DENND4C: variants seen among roughly 807,000 people sequenced by gnomAD.
DENND4C encodes the protein DENN domain-containing protein 4C.
Under a neutral mutation model 203.0 loss-of-function variants are expected in DENND4C, and 108 were observed. The ratio of observed to expected loss-of-function variants is 0.53; its 90% CI spans 0.46 to 0.62. The LOEUF (loss-of-function observed/expected upper bound fraction) is 0.62. Among genes scored for constraint, DENND4C ranks in the 20% least tolerant of loss-of-function variants. The pLI, the probability that DENND4C is intolerant of heterozygous loss-of-function variation, is 0.00. For missense variants in DENND4C, 2,481 were observed against 2,301.2 expected (o/e 1.08, Z -1.60); for synonymous variants, 871 against 792.4 (o/e 1.10, Z -1.67).
At chr9:19,332,236 T>C in intron 17 of DENND4C, 52 bp downstream of exon 17, 1 of 1,552,378 alleles carries the variant, frequency 6.4e-7, no homozygotes, top group Non-Finnish European at 8.9e-7. Context: ...TTTTTGTACT[T>C]CTAATAAAAT....
In DENND4C at chr9:19,296,084, G is replaced by T. The variant is rs915323297; in HGVS notation, c.878G>T (p.Gly293Val). 1 of 1,613,936 alleles carries T rather than the reference G, an allele frequency of 6.2e-7. No homozygotes were observed. The highest frequency in any genetic ancestry group is 8.5e-7 in the Non-Finnish European group (1 of 1,180,022). The change falls in exon 6 of 33, where the codon GGC (glycine) becomes GTC (valine). Residue 293 changes from glycine to valine, a missense_variant. Gly to Val is a moderately radical substitution (Grantham distance 109). This residue lies in a region of DENND4C where 2,289 missense variants were observed against 2,113.3 expected (regional missense o/e 1.08). Transcript: ENST00000434457. Reference sequence around the variant, plus strand: ...TCAGAGAAACAGCTTATGCACCTGGGCTTGTTGACGCCTGTGGAGAGAAAA... The same window carrying T: ...TCAGAGAAACAGCTTATGCACCTGGTCTTGTTGACGCCTGTGGAGAGAAAA... ...LLSEKQLMHLGLLTPVERKMV... is the reference protein window; with the variant it reads ...LLSEKQLMHLVLLTPVERKMV...
At chr9:19,281,741 T>C (rs1834083428) in intron 2 of DENND4C, among the ~76,000 whole-genome samples, 1 of 152,220 alleles carries the variant, frequency 6.6e-6, no homozygotes, top group Admixed American at 6.5e-5. Context: ...GTGAACATCA[T>C]AGAGTGTACA....
At chr9:19,331,763 A>G (rs907218577) in intron 16 of DENND4C, among the ~76,000 whole-genome samples, 12 of 152,186 alleles carry the variant, frequency 7.9e-5, no homozygotes, top group African/African-American at 2.9e-4. Flanking sequence ...TTGCTAACAA[A>G]TAGATTTGGT....
At position 19,373,229 on chromosome 9, in the gene DENND4C, TTTATC is replaced by T. The variant is rs1178365508; in HGVS notation, c.*1059_*1063del. 1 of 152,214 alleles carries T rather than the reference TTTATC, an allele frequency of 6.6e-6. No homozygotes were observed. Among genetic ancestry groups the T allele is most frequent in the African/African-American group, 2.4e-5 (1 of 41,454 alleles). 9.4% of individuals were successfully genotyped at this position (152,214 alleles called of 1,614,324 possible). On this transcript the variant is annotated 3_prime_UTR_variant, in exon 33 of 33. Coordinates refer to ENST00000434457, the MANE Select transcript of DENND4C (RefSeq NM_001330640.2). ...TTATGTATTATCTTGCTTAATGGGT[TTTATC>T]TTGATTATCCAGTTACTTCCATCCT...
chr9:19,355,195 C>T (rs1825129227), intron 26 of DENND4C, among the ~76,000 whole-genome samples: 1 of 152,186 alleles, frequency 6.6e-6, no homozygotes, highest in Non-Finnish European at 1.5e-5. Flanking sequence ...CAGGCGTCAG[C>T]CACCATGCCT....
intron 15 of DENND4C, 93 bp from the exon 16 acceptor site, chr9:19,327,937 A>G (rs1818168326): frequency 1.7e-6 from 2 of 1,202,542 alleles, no homozygotes; most frequent in Admixed American, 2.6e-5. Flanking sequence ...GTTGGATACT[A>G]TTTGAAGTTT....
rs1588955548 is a variant in DENND4C at position 19,342,490 on chromosome 9, C to T, written c.3005-143C>T. Reference sequence around the variant, plus strand: ...TTTATGGCATAAAGTAAACCAGACACAGTCTATTTTACTTTGTGTCTAAAG... The same window carrying T: ...TTTATGGCATAAAGTAAACCAGACATAGTCTATTTTACTTTGTGTCTAAAG... On this transcript the variant is annotated intron_variant, in intron 21 of 32. Transcript: ENST00000434457. The T allele has an allele frequency of 1.4e-5, 10 of 734,688 alleles. No homozygotes were observed. The East Asian group carries it at 3.1e-4, about 23-fold the overall frequency. The allele number at this position is 734,688 out of a possible 1,614,324, so 45.5% of individuals were successfully genotyped here.
chr9:19,291,830 C>A (rs975258241), intron 5 of DENND4C, among the ~76,000 whole-genome samples: 2 of 151,446 alleles, frequency 1.3e-5, no homozygotes, highest in Non-Finnish European at 2.9e-5. Context: ...TAAAATGTAG[C>A]AGATAGAACT....
chr9:19,331,968 C>G lies in DENND4C; in HGVS notation c.2254-10C>G, dbSNP rs201738187. On this transcript the variant is annotated splice_polypyrimidine_tract_variant and intron_variant, in intron 16 of 32. Coordinates refer to ENST00000434457, the MANE Select transcript of DENND4C (RefSeq NM_001330640.2). ...TTAGTAAATATCATAATATTTTATTCTCTTTCTAGGAAATAAAAACAGCTC... is the reference window on the plus strand; with the variant it reads ...TTAGTAAATATCATAATATTTTATTGTCTTTCTAGGAAATAAAAACAGCTC... 1.9e-6 allele frequency: 3 copies of G among 1,604,822 alleles called. No homozygotes were observed. The highest frequency in any genetic ancestry group is 1.7e-5 in the Admixed American group (1 of 59,858).
chr9:19,345,896 G>A, intron 22 of DENND4C, 25 bp from the exon 23 acceptor site: 1 of 1,538,808 alleles, frequency 6.5e-7, no homozygotes, highest in South Asian at 1.2e-5. Flanking sequence ...TAGGTTCATT[G>A]TTAATATTTT....
chr9:19,241,339 T>A (rs1350690850), intron 1 of DENND4C, among the ~76,000 whole-genome samples: 2 of 152,168 alleles, frequency 1.3e-5, no homozygotes, highest in Admixed American at 1.3e-4. Context: ...AGAAATATTA[T>A]TCTTTAAATC....
chr9:19,321,648 C>A (rs1214799560), intron 12 of DENND4C, among the ~76,000 whole-genome samples: 2 of 151,680 alleles, frequency 1.3e-5, no homozygotes, highest in Non-Finnish European at 2.9e-5. Flanking sequence ...AGTTTGAGAT[C>A]AGCCTGGCAA....
In DENND4C at chr9:19,357,075, C is replaced by G; in HGVS notation, c.4885C>G (p.Pro1629Ala). The G allele has an allele frequency of 6.2e-7, 1 of 1,613,930 alleles. No homozygotes were observed. Among genetic ancestry groups the G allele is most frequent in the Non-Finnish European group, 8.5e-7 (1 of 1,179,908 alleles). ...CAAACCTGTATCCAGTTTAGCAGAACCTGACTTGATCAACTTTATGGACTT... is the reference window on the plus strand; with the variant it reads ...CAAACCTGTATCCAGTTTAGCAGAAGCTGACTTGATCAACTTTATGGACTT... ...EHKPVSSLAE[P>A]DLINFMDFPK... Residue 1629 changes from proline (P) to alanine (A), a missense_variant, in exon 27 of 33, where the codon CCT becomes GCT. Coordinates refer to ENST00000434457, the MANE Select transcript of DENND4C (RefSeq NM_001330640.2).
intron 1 of DENND4C, among the ~76,000 whole-genome samples, chr9:19,251,607 CT>C (rs1826616173): frequency 6.6e-6 from 1 of 152,200 alleles, no homozygotes; most frequent in Non-Finnish European, 1.5e-5. Flanking sequence ...TCTGCTTCCC[CT>C]GTAAAAGTGA....
At chr9:19,327,086 G>T (rs1299240469) in intron 15 of DENND4C, among the ~76,000 whole-genome samples, 4 of 152,038 alleles carry the variant, frequency 2.6e-5, no homozygotes, top group African/African-American at 9.7e-5. Context: ...GAATGTATCT[G>T]GGATTGAATG....
intron 22 of DENND4C, among the ~76,000 whole-genome samples, chr9:19,343,146 A>C (rs1423516013): frequency 6.6e-6 from 1 of 152,158 alleles, no homozygotes; most frequent in Non-Finnish European, 1.5e-5. Context: ...GTGGCAGGCT[A>C]ATTCCTATCA....
chr9:19,304,991 G>A (rs1338067583), intron 9 of DENND4C, among the ~76,000 whole-genome samples: 3 of 151,556 alleles, frequency 2.0e-5, no homozygotes, highest in East Asian at 1.9e-4. Context: ...TGAATGAAAT[G>A]TGTAAGAGTT....
rs141314874 is a variant in DENND4C at position 19,298,057 on chromosome 9, C to T, written c.1042C>T (p.His348Tyr). ...TTTATTTCAAATTTTTTTTTCTAGG[C>T]ACATTTCACATTTTATGCAAAACAT... ...SGPHPLPIEK[H>Y]ISHFMQNIPF... Residue 348 changes from histidine to tyrosine, a missense_variant and splice_region_variant, in exon 7 of 33, where the codon CAC (histidine) becomes TAC (tyrosine). Around this residue, in one of 3 missense-constraint regions of DENND4C, gnomAD observed 2,289 missense variants for 2,113.3 expected, o/e 1.08. Coordinates refer to ENST00000434457, the MANE Select transcript of DENND4C (RefSeq NM_001330640.2). 5 of 1,604,554 alleles carry T rather than the reference C, an allele frequency of 3.1e-6. No homozygotes were observed. In the Admixed American group the frequency reaches 8.4e-5, roughly 27 times the overall value.
At chr9:19,283,167 T>G (rs1834470158) in intron 2 of DENND4C, among the ~76,000 whole-genome samples, 2 of 152,208 alleles carry the variant, frequency 1.3e-5, no homozygotes, top group East Asian at 3.9e-4. Context: ...GCCTGGATTT[T>G]TTTTTTTAAC....
Sources: allele counts gnomAD v4.1 joint callset (sites outside exome capture counted in the v4.1 genomes callset), GRCh38; gene constraint gnomAD v4.1.1; regional missense constraint gnomAD v4.1.1; transcripts MANE v1.5; gene names NCBI Gene and HGNC (gene_info 2026-07-23, HGNC 2026-07-21).